Variants in CCDC7 observed in about 807,000 individuals in gnomAD.
CCDC7 encodes the protein coiled-coil domain containing 7, also known as coiled-coil domain-containing protein 7.
Under a neutral mutation model 196.9 loss-of-function variants are expected in CCDC7, and 183 were observed. The ratio of observed to expected loss-of-function variants is 0.93; its 90% CI spans 0.82 to 1.05. CCDC7 has a LOEUF of 1.05. CCDC7 is among the 50% of genes least tolerant of loss of function. The pLI is 0.00. For missense variants in CCDC7, 1,540 were observed against 1,482.2 expected (o/e 1.04, Z -0.64); for synonymous variants, 525 against 484.6 (o/e 1.08, Z -1.10).
At chr10:32,612,439 G>T (rs1590592546) in intron 18 of CCDC7, among the ~76,000 whole-genome samples, 1 of 152,224 alleles carries the variant, frequency 6.6e-6, no homozygotes, top group African/African-American at 2.4e-5. Flanking sequence ...GCCCTGGCCA[G>T]AACTTCCAAT....
intron 28 of CCDC7, among the ~76,000 whole-genome samples, chr10:32,755,376 C>A (rs932829137): frequency 6.6e-6 from 1 of 152,042 alleles, no homozygotes; most frequent in Non-Finnish European, 1.5e-5. Flanking sequence ...CAGTAGGGGC[C>A]GACTGACACC....
At chr10:32,498,679 ATTCTT>A (rs1225033643) in intron 9 of CCDC7, among the ~76,000 whole-genome samples, 2 of 152,126 alleles carry the variant, frequency 1.3e-5, no homozygotes, top group Non-Finnish European at 2.9e-5. Context: ...TGGGTTGAAA[ATTCTT>A]TTCTTTAAGA....
intron 13 of CCDC7, among the ~76,000 whole-genome samples, chr10:32,552,149 A>G (rs2053580133): frequency 6.6e-6 from 1 of 152,206 alleles, no homozygotes; most frequent in Non-Finnish European, 1.5e-5. Flanking sequence ...ACCATTACAA[A>G]ATATCCTTCT....
chr10:32,563,497 A>G (rs77507982), intron 13 of CCDC7, among the ~76,000 whole-genome samples: 3,286 of 152,308 alleles, frequency 0.022, 54 homozygotes, highest in Admixed American at 0.035. Context: ...ATAATGCCAC[A>G]TATCTACAAC....
intron 20 of CCDC7, among the ~76,000 whole-genome samples, chr10:32,637,564 A>G (rs1195715083): frequency 6.6e-6 from 1 of 151,394 alleles, no homozygotes; most frequent in Non-Finnish European, 1.5e-5. Context: ...ATTTCTGAGG[A>G]CTCTATTCTG....
chr10:32,460,722 G>T (rs945353210), intron 3 of CCDC7, among the ~76,000 whole-genome samples: 1 of 152,122 alleles, frequency 6.6e-6, no homozygotes, highest in African/African-American at 2.4e-5. Flanking sequence ...CACTTTTTGC[G>T]TAGATTTATG....
chr10:32,467,987 G>C (rs2037189789), intron 5 of CCDC7, among the ~76,000 whole-genome samples: 1 of 152,134 alleles, frequency 6.6e-6, no homozygotes, highest in Non-Finnish European at 1.5e-5. Flanking sequence ...GGTTACTGTA[G>C]CCCTGTAGTA....
chr10:32,637,921 AGTT>A (rs1222374772), intron 20 of CCDC7, among the ~76,000 whole-genome samples: 2 of 152,156 alleles, frequency 1.3e-5, no homozygotes. Flanking sequence ...AGTGGTTTGT[AGTT>A]CTCCTTGAAG....
intron 20 of CCDC7, among the ~76,000 whole-genome samples, chr10:32,647,978 T>C (rs1381637644): frequency 6.6e-6 from 1 of 152,258 alleles, no homozygotes; most frequent in Non-Finnish European, 1.5e-5. Context: ...ATTTAAATCT[T>C]TAATCCATTT....
intron 31 of CCDC7, among the ~76,000 whole-genome samples, chr10:32,817,188 A>G (rs908366406): frequency 1.3e-5 from 2 of 152,228 alleles, no homozygotes; most frequent in African/African-American, 4.8e-5. Context: ...TACGCGACGT[A>G]TGCACAAGCC....
chr10:32,807,605 C>T (rs1007360418), intron 30 of CCDC7, among the ~76,000 whole-genome samples: 6 of 151,970 alleles, frequency 3.9e-5, no homozygotes, highest in Admixed American at 1.3e-4. Context: ...TAAGTAGGAT[C>T]GATAAAGTCC....
intron 39 of CCDC7, among the ~76,000 whole-genome samples, chr10:32,849,923 G>T (rs1438665466): frequency 1.3e-5 from 2 of 152,048 alleles, no homozygotes; most frequent in Non-Finnish European, 2.9e-5. Flanking sequence ...CTGCAGGGGG[G>T]AACTTGGATC....
intron 9 of CCDC7, among the ~76,000 whole-genome samples, chr10:32,515,681 C>T (rs2046906651): frequency 6.6e-6 from 1 of 151,810 alleles, no homozygotes; most frequent in Non-Finnish European, 1.5e-5. Context: ...GTAGCTGGGA[C>T]TACAGGCGCC....
intron 29 of CCDC7, among the ~76,000 whole-genome samples, chr10:32,804,472 T>G (rs960172525): frequency 6.6e-6 from 1 of 152,202 alleles, no homozygotes; most frequent in Non-Finnish European, 1.5e-5. Flanking sequence ...TGGTGCTTAC[T>G]TGGTTTAAAG....
rs189209629 is a variant in CCDC7 at position 32,483,677 on chromosome 10, G to A, written c.797-8245G>A. Among the ~76,000 whole-genome samples, 631 of 152,290 alleles carry A rather than the reference G, an allele frequency of 4.1e-3. 2 individuals are homozygous for A. The highest frequency in any genetic ancestry group is 0.017 in the South Asian group (84 of 4,824). On this transcript the variant is annotated intron_variant, in intron 8 of 41. Coordinates refer to ENST00000639629, the Ensembl canonical transcript of CCDC7. ...CATCTTGAATTGATTTTTGTATAAG[G>A]TGTAAGGAAGGGATCCAGTTTCAGC... is the stretch of plus-strand genomic sequence containing the variant.
chr10:32,870,439 T>C (rs918566156), intron 41 of CCDC7, among the ~76,000 whole-genome samples: 4 of 152,222 alleles, frequency 2.6e-5, no homozygotes, highest in African/African-American at 9.6e-5. Context: ...TTTTTGCACA[T>C]TGATTTTGTA....
rs140108265 is a variant in CCDC7 at position 32,786,558 on chromosome 10, C to T, written c.3013+7474C>T. On this transcript the variant is annotated intron_variant, in intron 29 of 41. Coordinates refer to ENST00000639629, the Ensembl canonical transcript of CCDC7. ...GGTGGATCAATTGAGGCCAGGAGTT[C>T]GAGACCAGCCTGGCCAACATGGCGA... 6.6e-5 allele frequency among the ~76,000 whole-genome samples: 10 copies of T among 152,222 alleles called. No individual in the cohort carries two copies. In the South Asian group the frequency reaches 1.0e-3, roughly 16 times the overall value.
chr10:32,732,065 A>G (rs1279246879), intron 28 of CCDC7, among the ~76,000 whole-genome samples: 1 of 152,130 alleles, frequency 6.6e-6, no homozygotes, highest in Non-Finnish European at 1.5e-5. Flanking sequence ...AAAACAAAAC[A>G]AAACTGATAG....
chr10:32,778,983 A>G, exon 29 of CCDC7: 2 of 1,548,992 alleles, frequency 1.3e-6, no homozygotes, highest in Non-Finnish European at 1.7e-6. Context: ...ACAGTTAAAA[A>G]TGAAGCAGCC....
Sources: allele counts gnomAD v4.1 joint callset (sites outside exome capture counted in the v4.1 genomes callset), GRCh38; gene constraint gnomAD v4.1.1; transcripts MANE v1.5; gene names NCBI Gene and HGNC (gene_info 2026-07-23, HGNC 2026-07-21).